Variants in PTDSS1 observed in about 807,000 individuals in gnomAD.
The protein encoded by PTDSS1 is phosphatidylserine synthase 1, also known as PSS-1.
Under a neutral mutation model 70.5 loss-of-function variants are expected in PTDSS1, and 45 were observed. The ratio of observed to expected loss-of-function variants is 0.64; its 90% CI spans 0.50 to 0.82. The LOEUF (loss-of-function observed/expected upper bound fraction) is 0.82. PTDSS1 is among the 40% of genes least tolerant of loss of function. PTDSS1 has a pLI of 0.00. For synonymous variants in PTDSS1, 188 were observed against 203.8 expected (o/e 0.92, Z 0.66); for missense variants, 417 against 586.1 (o/e 0.71, Z 2.98).
At chr8:96,296,712 A>G (rs1810981173) in intron 5 of PTDSS1, among the ~76,000 whole-genome samples, 1 of 152,192 alleles carries the variant, frequency 6.6e-6, no homozygotes, top group African/African-American at 2.4e-5. Flanking sequence ...GGCGGTGCAT[A>G]TAGGTTCTCA....
chr8:96,276,485 T>A (rs566062027), intron 2 of PTDSS1, among the ~76,000 whole-genome samples: 1 of 152,262 alleles, frequency 6.6e-6, no homozygotes, highest in African/African-American at 2.4e-5. Flanking sequence ...GACTTTGTGA[T>A]ACGCACAAAG....
chr8:96,317,909 G>GTGTGTGTATA (rs1554585831), intron 9 of PTDSS1, among the ~76,000 whole-genome samples: 8 of 116,940 alleles, frequency 6.8e-5, no homozygotes, highest in African/African-American at 2.1e-4. Context: ...GTGTGTGTGT[G>GTGTGTGTATA]TGTGTGTGTG....
At chr8:96,276,972 ACGCGCG>A (rs377294157) in intron 2 of PTDSS1, among the ~76,000 whole-genome samples, 44 of 129,648 alleles carry the variant, frequency 3.4e-4, no homozygotes, top group African/African-American at 1.1e-3. Flanking sequence ...ACACGCGCGC[ACGCGCG>A]CGCACACACA....
intron 9 of PTDSS1, among the ~76,000 whole-genome samples, chr8:96,319,943 G>A (rs748107434): frequency 8.5e-5 from 13 of 152,266 alleles, no homozygotes; most frequent in Non-Finnish European, 1.6e-4. Context: ...CAGAGGCGGC[G>A]TGATCACCCA....
chr8:96,325,764 A>G (rs1811430078), intron 10 of PTDSS1, among the ~76,000 whole-genome samples: 2 of 152,220 alleles, frequency 1.3e-5, no homozygotes, highest in Non-Finnish European at 2.9e-5. Context: ...AGAGGGCACA[A>G]TAACACAATC....
chr8:96,281,749 A>C (rs1009643874), intron 2 of PTDSS1, among the ~76,000 whole-genome samples: 3 of 152,158 alleles, frequency 2.0e-5, no homozygotes, highest in Non-Finnish European at 4.4e-5. Context: ...GAAAGTTCAT[A>C]GGAAAGTCCC....
Position 96,331,008 on chromosome 8 carries a change from G to C in PTDSS1, c.1243-18G>C, listed in dbSNP as rs768112819. On this transcript the variant is annotated intron_variant, in intron 11 of 12. Transcript: ENST00000517309. ...GGAGTTCCTAAAATTCCTGCACTAAGCCTGTCTCTCTCCCTAGACCTACTC... is the reference window on the plus strand; with the variant it reads ...GGAGTTCCTAAAATTCCTGCACTAACCCTGTCTCTCTCCCTAGACCTACTC... The C allele has an allele frequency of 6.2e-7, 1 of 1,605,698 alleles. No homozygotes were observed. Among genetic ancestry groups the C allele is most frequent in the South Asian group, 1.1e-5 (1 of 90,868 alleles).
chr8:96,263,295 A>G (rs543496176), intron 1 of PTDSS1, among the ~76,000 whole-genome samples: 2 of 152,324 alleles, frequency 1.3e-5, no homozygotes, highest in East Asian at 3.9e-4. Context: ...CGTGGTTCCT[A>G]CTTAGAATGA....
In PTDSS1 at chr8:96,261,935, C is replaced by T. The variant is rs1012815859; in HGVS notation, c.-106C>T. 2.4e-6 allele frequency: 3 copies of T among 1,241,536 alleles called. No homozygotes were observed. The highest frequency in any genetic ancestry group is 2.5e-5 in the Admixed American group (1 of 40,698). The allele number at this position is 1,241,536 out of a possible 1,614,324, so 76.9% of individuals were successfully genotyped here. A position where few individuals can be genotyped will look rare whatever the true frequency, so the allele number is the denominator to read the frequency against. On this transcript the variant is annotated 5_prime_UTR_variant, in exon 1 of 13. Transcript: ENST00000517309. Reference sequence around the variant, plus strand: ...TCCCAGCCTTTGCTGGGCGCCAGACCCGGCTTTGCCGTCCGGCTATTAGCC... The same window carrying T: ...TCCCAGCCTTTGCTGGGCGCCAGACTCGGCTTTGCCGTCCGGCTATTAGCC...
chr8:96,329,315 G>C (rs1811480557), intron 10 of PTDSS1, among the ~76,000 whole-genome samples: 1 of 149,204 alleles, frequency 6.7e-6, no homozygotes, highest in Non-Finnish European at 1.5e-5. Context: ...GTTTTGTTCT[G>C]GTTGCTTTGC....
intron 1 of PTDSS1, among the ~76,000 whole-genome samples, chr8:96,269,399 T>C (rs749289587): frequency 6.6e-6 from 1 of 152,228 alleles, no homozygotes; most frequent in Non-Finnish European, 1.5e-5. Context: ...CACTGCAGAC[T>C]GGGGCATTTT....
intron 2 of PTDSS1, among the ~76,000 whole-genome samples, chr8:96,280,594 A>G (rs1810721970): frequency 6.6e-6 from 1 of 152,156 alleles, no homozygotes; most frequent in Admixed American, 6.5e-5. Flanking sequence ...AAATAAAATG[A>G]TGTATTCTAG....
intron 2 of PTDSS1, among the ~76,000 whole-genome samples, chr8:96,281,002 C>T (rs186987541): frequency 2.0e-5 from 3 of 152,256 alleles, no homozygotes; most frequent in Admixed American, 2.0e-4. Context: ...AGATGGGGCT[C>T]ATGCCGGGCA....
chr8:96,309,212 T>G (rs1418445783), intron 8 of PTDSS1: 2 of 157,566 alleles, frequency 1.3e-5, no homozygotes, highest in Non-Finnish European at 2.7e-5. Flanking sequence ...TTTTTTTTTT[T>G]TTTTTTTTTT....
At chr8:96,266,421 C>T (rs962274182) in intron 1 of PTDSS1, among the ~76,000 whole-genome samples, 5 of 152,144 alleles carry the variant, frequency 3.3e-5, no homozygotes, top group African/African-American at 1.2e-4. Context: ...TACTTAATTT[C>T]CCTTATTGGC....
At chr8:96,293,868 G>A (rs1264898821) in intron 4 of PTDSS1, among the ~76,000 whole-genome samples, 4 of 151,140 alleles carry the variant, frequency 2.6e-5, no homozygotes, top group Non-Finnish European at 5.9e-5. Context: ...ACTGGACGTG[G>A]CCCTGCTCCT....
intron 1 of PTDSS1, among the ~76,000 whole-genome samples, chr8:96,269,127 G>T (rs1383238889): frequency 1.3e-5 from 2 of 152,200 alleles, no homozygotes; most frequent in Admixed American, 6.5e-5. Context: ...GAGCGAGGAA[G>T]ACTTTGCCTC....
At chr8:96,284,802 T>C (rs771369244) in intron 3 of PTDSS1, among the ~76,000 whole-genome samples, 1 of 152,224 alleles carries the variant, frequency 6.6e-6, no homozygotes, top group African/African-American at 2.4e-5. Flanking sequence ...TATGTAAAAA[T>C]GTACAAGAAC....
intron 3 of PTDSS1, 130 bp from the exon 4 acceptor site, chr8:96,286,892 G>A (rs1016813231): frequency 1.3e-5 from 15 of 1,148,794 alleles, no homozygotes; most frequent in African/African-American, 7.7e-5. Context: ...CAGATTATAA[G>A]AGGAGTCTTG....
Sources: allele counts gnomAD v4.1 joint callset (sites outside exome capture counted in the v4.1 genomes callset), GRCh38; gene constraint gnomAD v4.1.1; transcripts MANE v1.5; gene names NCBI Gene and HGNC (gene_info 2026-07-23, HGNC 2026-07-21).